The following PCDH9 variants were observed in gnomAD, a reference collection of about 807,000 sequenced individuals.
The protein encoded by PCDH9 is protocadherin 9.
A neutral mutation model predicts 70.6 loss-of-function variants in PCDH9; 24 were observed. That is an observed-to-expected ratio of 0.34 (90% CI 0.25 to 0.48). The LOEUF (loss-of-function observed/expected upper bound fraction) is 0.48, where lower values mean the gene tolerates loss of function less well. PCDH9 is among the 20% of genes least tolerant of loss of function. The pLI, the probability that PCDH9 is intolerant of heterozygous loss-of-function variation, is 0.99. For missense variants in PCDH9, 1,281 were observed against 1,503.6 expected, an observed-to-expected ratio of 0.85 and a Z score of 2.45; for synonymous variants, 562 against 558.5, an observed-to-expected ratio of 1.01 and a Z score of -0.09.
At chr13:66,811,765 C>G (rs61959201) in intron 3 of PCDH9, among the ~76,000 whole-genome samples, 1 of 108,048 alleles carries the variant, frequency 9.3e-6, no homozygotes, top group Non-Finnish European at 1.9e-5. Context: ...TTTTCTTTCT[C>G]TCTCTCTCTC....
chr13:66,417,184 T>C (rs1424516827), intron 4 of PCDH9, among the ~76,000 whole-genome samples: 2 of 152,082 alleles, frequency 1.3e-5, no homozygotes, highest in Non-Finnish European at 2.9e-5. Context: ...CCTTACCCAC[T>C]ACCCATCAAC....
intron 2 of PCDH9, among the ~76,000 whole-genome samples, chr13:67,158,027 T>C (rs1438631144): frequency 6.6e-6 from 1 of 152,202 alleles, no homozygotes; most frequent in East Asian, 1.9e-4. Context: ...GTAAACTTCT[T>C]ACAAAGGTAA....
chr13:66,398,910 A>G lies in PCDH9; in HGVS notation c.3341-93882T>C, dbSNP rs117732760. The stretch of plus-strand genomic sequence containing the variant: ...TTTGTTGATTATGCTACCAAGGGGT[A>G]AGGTGGACTCAATCCCACCTTTCAT... On this transcript the variant is annotated intron_variant, in intron 4 of 4. Transcript: ENST00000377865. Among the ~76,000 whole-genome samples, 746 of 152,286 alleles carry G rather than the reference A, an allele frequency of 4.9e-3. 22 individuals are homozygous for G. The East Asian group carries it at 0.074, about 15-fold the overall frequency.
At chr13:67,068,601 G>C (rs1041609269) in intron 2 of PCDH9, among the ~76,000 whole-genome samples, 1 of 152,118 alleles carries the variant, frequency 6.6e-6, no homozygotes, top group African/African-American at 2.4e-5. Flanking sequence ...TGTTTCAACA[G>C]GTAAATGGCA....
chr13:66,819,853 G>A lies in PCDH9; in HGVS notation c.3138+83651C>T, dbSNP rs557905844. ...CCATGCTACAGTGAGCAGTGATAAT[G>A]CCACTGCACTCCAGCCTAGGAGACA... On this transcript the variant is annotated intron_variant, in intron 3 of 4. Transcript: ENST00000377865. Among the ~76,000 whole-genome samples, 10 of 152,212 alleles carry A rather than the reference G, an allele frequency of 6.6e-5. No homozygotes were observed. In the South Asian group the frequency reaches 2.1e-3, roughly 32 times the overall value.
chr13:66,863,489 T>C (rs1010212995), intron 3 of PCDH9, among the ~76,000 whole-genome samples: 1 of 152,122 alleles, frequency 6.6e-6, no homozygotes, highest in African/African-American at 2.4e-5. Flanking sequence ...GTTTATTTGT[T>C]TTGTTTTGTT....
At chr13:66,970,644 C>CAAAAAAAAAAAAAAAAAAAAAG (rs67043290) in intron 2 of PCDH9, among the ~76,000 whole-genome samples, 1 of 117,070 alleles carries the variant, frequency 8.5e-6, no homozygotes. Flanking sequence ...AAAAAAAAAG[C>CAAAAAAAAAAAAAAAAAAAAAG]AAAAAAAAAA....
rs1470684908 is a variant in PCDH9, at chr13:66,793,923, T to C, written c.3138+109581A>G. Among the ~76,000 whole-genome samples, 3 of 152,130 alleles carry C rather than the reference T, an allele frequency of 2.0e-5. 1 individual carries two copies. The highest frequency in any genetic ancestry group is 4.1e-4 in the South Asian group (2 of 4,832). ...AAAGTAAGTACATTTGTTAAATTTG[T>C]TTTTACACTATTGTGTTTTCCCTGT... On this transcript the variant is annotated intron_variant, in intron 3 of 4. Transcript: ENST00000377865.
intron 2 of PCDH9, among the ~76,000 whole-genome samples, chr13:67,058,988 C>G (rs2085478393): frequency 6.6e-6 from 1 of 152,026 alleles, no homozygotes; most frequent in Non-Finnish European, 1.5e-5. Flanking sequence ...GGCCTTCCAA[C>G]TGCACCTGAC....
At chr13:66,423,929 G>A (rs996087719) in intron 4 of PCDH9, among the ~76,000 whole-genome samples, 9 of 151,874 alleles carry the variant, frequency 5.9e-5, no homozygotes, top group South Asian at 2.1e-4. Flanking sequence ...AGAAAACCCC[G>A]TCATCTTAGC....
At chr13:66,567,291 G>T (rs564855736) in intron 4 of PCDH9, among the ~76,000 whole-genome samples, 1 of 152,190 alleles carries the variant, frequency 6.6e-6, no homozygotes, top group South Asian at 2.1e-4. Context: ...TTGCATATTT[G>T]ACAGTACCAG....
intron 2 of PCDH9, among the ~76,000 whole-genome samples, chr13:66,937,543 A>C (rs1174771632): frequency 6.6e-6 from 1 of 152,228 alleles, no homozygotes; most frequent in Non-Finnish European, 1.5e-5. Context: ...GCCTGTTTAA[A>C]CAAACTAAGT....
chr13:67,228,913 C>T (rs1170824725), intron 1 of PCDH9, among the ~76,000 whole-genome samples: 1 of 152,172 alleles, frequency 6.6e-6, no homozygotes, highest in South Asian at 2.1e-4. Context: ...TCTAACCTAC[C>T]TCCCTCAGTC....
chr13:66,445,480 C>T (rs1323756492), intron 4 of PCDH9, among the ~76,000 whole-genome samples: 6 of 140,822 alleles, frequency 4.3e-5, no homozygotes, highest in Non-Finnish European at 9.0e-5. Context: ...TATATATACA[C>T]ATAAAATATA....
rs994091347 is a variant in PCDH9, at chr13:67,031,455, A to G, written c.3037-127850T>C. Among the ~76,000 whole-genome samples, 9 of 152,288 alleles carry G rather than the reference A, an allele frequency of 5.9e-5. No individual in the cohort carries two copies. In the South Asian group the frequency reaches 8.3e-4, roughly 14 times the overall value. The stretch of plus-strand genomic sequence containing the variant: ...CGAGGTGGTTCATGTCTGTAATCCC[A>G]GCACTTTGGTAGACAGAAGCAGGCG... On this transcript the variant is annotated intron_variant, in intron 2 of 4. Coordinates refer to ENST00000377865, the MANE Select transcript of PCDH9 (RefSeq NM_203487.3).
chr13:66,453,048 G>A (rs1207264301), intron 4 of PCDH9, among the ~76,000 whole-genome samples: 1 of 152,104 alleles, frequency 6.6e-6, no homozygotes, highest in Non-Finnish European at 1.5e-5. Flanking sequence ...GCACAGCACA[G>A]GATAAGACAT....
intron 3 of PCDH9, among the ~76,000 whole-genome samples, chr13:66,766,266 A>G (rs2139262837): frequency 6.6e-6 from 1 of 152,098 alleles, no homozygotes; most frequent in South Asian, 2.1e-4. Context: ...CAGCTCTAGA[A>G]GAGTCAGAGA....
intron 2 of PCDH9, among the ~76,000 whole-genome samples, chr13:66,974,829 T>C (rs1393660327): frequency 6.6e-6 from 1 of 152,042 alleles, no homozygotes; most frequent in Non-Finnish European, 1.5e-5. Context: ...TTTTATATTG[T>C]GGAGTTTAAT....
At chr13:66,533,742 A>G (rs1960570258) in intron 4 of PCDH9, among the ~76,000 whole-genome samples, 1 of 152,170 alleles carries the variant, frequency 6.6e-6, no homozygotes, top group African/African-American at 2.4e-5. Flanking sequence ...TTATTTAAAA[A>G]TCTTAAAGAT....
Sources: gnomAD v4.1 joint callset for allele counts (sites outside exome capture counted in the v4.1 genomes callset) on GRCh38, gnomAD v4.1.1 for gene constraint, MANE v1.5 for transcripts, NCBI Gene and HGNC (gene_info 2026-07-23, HGNC 2026-07-21) for gene names.